RP1: variants seen among roughly 807,000 people sequenced by gnomAD.
The protein encoded by RP1 is RP1 axonemal microtubule associated, also known as oxygen-regulated protein 1.
Under a neutral mutation model 14.8 loss-of-function variants are expected in RP1, and 16 were observed. That is an observed-to-expected ratio of 1.08 (90% confidence interval 0.73 to 1.65). The LOEUF is 1.65. Ranked by LOEUF, RP1 falls within the 40% of genes most tolerant of loss-of-function variation. The probability of loss-of-function intolerance (pLI) is 0.00; values close to 1 mark genes in which losing one functional copy is unlikely to be tolerated. For missense variants in RP1, 2,631 were observed against 2,535.0 expected, an observed-to-expected ratio of 1.04 and a Z score of -0.81; for synonymous variants, 876 against 883.6, an observed-to-expected ratio of 0.99 and a Z score of 0.15.
intron 16 of RP1, among the ~76,000 whole-genome samples, chr8:54,724,615 C>T (rs554739718): frequency 6.6e-6 from 1 of 152,056 alleles, no homozygotes; most frequent in South Asian, 2.1e-4. Flanking sequence ...CAAAGGGCTA[C>T]TAAGGGTTGC....
At chr8:54,680,957 C>T (rs763739530) in intron 12 of RP1, among the ~76,000 whole-genome samples, 6 of 125,636 alleles carry the variant, frequency 4.8e-5, no homozygotes, top group East Asian at 2.0e-4. Flanking sequence ...GACTCTGTCT[C>T]GGACAAAAAA....
chr8:54,592,223 G>C (rs954279885), intron 1 of RP1, among the ~76,000 whole-genome samples: 6 of 152,182 alleles, frequency 3.9e-5, no homozygotes, highest in African/African-American at 2.4e-5. Context: ...TGTAGGAGCT[G>C]AACAAGCTAC....
chr8:54,770,314 G>A, downstream of RP1: 1 of 393,106 alleles, frequency 2.5e-6, no homozygotes, highest in Non-Finnish European at 4.5e-6. Flanking sequence ...CACGGAATAA[G>A]CATTATAGTT....
At chr8:54,612,071 G>A (rs982607106), upstream of RP1, among the ~76,000 whole-genome samples, 5 of 152,126 alleles carry the variant, frequency 3.3e-5, no homozygotes, top group Admixed American at 6.5e-5. Context: ...GGTATAATGC[G>A]GTTGCTTTTG....
At chr8:54,833,059 G>A (rs966971729) in intron 24 of RP1, among the ~76,000 whole-genome samples, 5 of 151,952 alleles carry the variant, frequency 3.3e-5, no homozygotes, top group African/African-American at 1.2e-4. Flanking sequence ...AGTCATACCT[G>A]CATGTGAATA....
At chr8:54,697,680 T>C (rs1383210701) in intron 12 of RP1, among the ~76,000 whole-genome samples, 2 of 152,184 alleles carry the variant, frequency 1.3e-5, no homozygotes, top group Non-Finnish European at 2.9e-5. Flanking sequence ...ATGGTACTGG[T>C]ACCCAAACAG....
At chr8:54,811,687 C>A (rs746690767) in intron 24 of RP1, among the ~76,000 whole-genome samples, 10 of 152,180 alleles carry the variant, frequency 6.6e-5, no homozygotes, top group Admixed American at 2.0e-4. Flanking sequence ...TATCCCCAGC[C>A]ATTTTTAAAA....
chr8:54,863,859 C>A (rs1812403423), intron 27 of RP1, among the ~76,000 whole-genome samples: 1 of 152,188 alleles, frequency 6.6e-6, no homozygotes. Flanking sequence ...TCATCAGCAA[C>A]CAGTCACATC....
intron 23 of RP1, chr8:54,783,400 G>A (rs1487665692): frequency 2.3e-6 from 1 of 429,976 alleles, no homozygotes; most frequent in Non-Finnish European, 3.9e-6. Context: ...ATTCAAGGAG[G>A]AAATCCATGA....
chr8:54,696,500 CT>C, intron 12 of RP1: 2 of 892,756 alleles, frequency 2.2e-6, no homozygotes, highest in Non-Finnish European at 3.6e-6. Flanking sequence ...AAAGCAGGCA[CT>C]TTTGGCAAAG....
chr8:54,723,536 T>G (rs1287019865), intron 16 of RP1, among the ~76,000 whole-genome samples: 1 of 152,236 alleles, frequency 6.6e-6, no homozygotes, highest in African/African-American at 2.4e-5. Flanking sequence ...TCTATTTTCA[T>G]GAATTTATAT....
At chr8:54,673,777 C>A in intron 7 of RP1, 1 of 1,224,632 alleles carries the variant, frequency 8.2e-7, no homozygotes, top group African/African-American at 1.5e-5. Context: ...ACAAACACTG[C>A]ATCTTAATTT....
chr8:54,831,012 C>T (rs1811507248), intron 24 of RP1, among the ~76,000 whole-genome samples: 1 of 151,938 alleles, frequency 6.6e-6, no homozygotes, highest in South Asian at 2.1e-4. Context: ...GAGTTTTATC[C>T]ATGTTGAAGC....
chr8:54,859,515 A>G (rs1159384513), intron 27 of RP1, among the ~76,000 whole-genome samples: 2 of 142,536 alleles, frequency 1.4e-5, no homozygotes, highest in African/African-American at 2.7e-5. Flanking sequence ...GTATAGGAGG[A>G]ATCACTGTAG....
At chr8:54,617,937 T>C (rs1805759745) in intron 1 of RP1, among the ~76,000 whole-genome samples, 1 of 152,198 alleles carries the variant, frequency 6.6e-6, no homozygotes, top group Non-Finnish European at 1.5e-5. Flanking sequence ...TTTATCATGT[T>C]CTGGGTTTTA....
At chr8:54,825,030 C>A (rs897549330) in intron 24 of RP1, among the ~76,000 whole-genome samples, 4 of 151,724 alleles carry the variant, frequency 2.6e-5, no homozygotes, top group Non-Finnish European at 5.9e-5. Context: ...AGTGCAGTGG[C>A]GCGATCTCCG....
At chr8:54,809,685 C>T (rs1428065789) in intron 24 of RP1, among the ~76,000 whole-genome samples, 1 of 152,192 alleles carries the variant, frequency 6.6e-6, no homozygotes, top group Non-Finnish European at 1.5e-5. Flanking sequence ...ATAGCACTCG[C>T]TCCTAGAACA....
At chr8:54,825,064 GGTTCACGCCATTCTCCTGCCTC>G (rs1180606699) in intron 24 of RP1, among the ~76,000 whole-genome samples, 3 of 151,974 alleles carry the variant, frequency 2.0e-5, no homozygotes, top group Non-Finnish European at 4.4e-5. Context: ...CCGCCTCCCG[GGTTCACGCCATTCTCCTGCCTC>G]AGCCTCCCGA....
chr8:54,719,750 A>C (rs1161632742), intron 15 of RP1, among the ~76,000 whole-genome samples: 1 of 152,244 alleles, frequency 6.6e-6, no homozygotes, highest in Non-Finnish European at 1.5e-5. Flanking sequence ...ACTTATGGTA[A>C]GAATAGCACT....
Sources: allele counts gnomAD v4.1 joint callset (sites outside exome capture counted in the v4.1 genomes callset), GRCh38; gene constraint gnomAD v4.1.1; transcripts MANE v1.5; gene names NCBI Gene and HGNC (gene_info 2026-07-23, HGNC 2026-07-21).